DIAPH3: variants seen among roughly 807,000 people sequenced by gnomAD.
The protein encoded by DIAPH3 is protein diaphanous homolog 3.
DIAPH3 carries 117 observed loss-of-function variants against 144.3 expected under a neutral mutation model. The observed-to-expected ratio is 0.81, with a 90% CI of 0.70 to 0.95. The LOEUF is 0.95. Ranked by LOEUF, DIAPH3 falls within the 40% of genes least tolerant of loss-of-function variation. DIAPH3 has a pLI of 0.00. For missense variants in DIAPH3, 1,421 were observed against 1,412.7 expected, an observed-to-expected ratio of 1.01 and a Z score of -0.09; for synonymous variants, 519 against 488.9, an observed-to-expected ratio of 1.06 and a Z score of -0.81.
chr13:59,731,904 A>T (rs575793066), intron 27 of DIAPH3, among the ~76,000 whole-genome samples: 1 of 152,292 alleles, frequency 6.6e-6, no homozygotes. Flanking sequence ...TTTACTGATC[A>T]TCTTTCTCAA....
At chr13:59,933,048 G>A (rs1467773078) in intron 17 of DIAPH3, among the ~76,000 whole-genome samples, 3 of 152,196 alleles carry the variant, frequency 2.0e-5, no homozygotes, top group African/African-American at 7.2e-5. Flanking sequence ...GCACATAAAT[G>A]TTGGCAACAA....
chr13:59,947,374 C>T (rs146416215), intron 17 of DIAPH3, among the ~76,000 whole-genome samples: 263 of 152,194 alleles, frequency 1.7e-3, no homozygotes, highest in Middle Eastern at 3.4e-3. Flanking sequence ...CATGGTCCAC[C>T]GCCTGATTCT....
chr13:60,032,790 C>G (rs1184232749), intron 5 of DIAPH3, among the ~76,000 whole-genome samples: 1 of 152,240 alleles, frequency 6.6e-6, no homozygotes, highest in Non-Finnish European at 1.5e-5. Context: ...ATTTGTCTAG[C>G]AAGTAGTTGC....
At chr13:59,978,870 T>C (rs1274799129) in intron 14 of DIAPH3, among the ~76,000 whole-genome samples, 1 of 151,730 alleles carries the variant, frequency 6.6e-6, no homozygotes, top group Non-Finnish European at 1.5e-5. Context: ...CTAGGGTGAA[T>C]GTATTAGTGC....
chr13:59,753,073 A>G (rs1285455968), intron 27 of DIAPH3, among the ~76,000 whole-genome samples: 1 of 152,234 alleles, frequency 6.6e-6, no homozygotes, highest in African/African-American at 2.4e-5. Context: ...TTTAAATACT[A>G]TCTGGATAGC....
intron 25 of DIAPH3, among the ~76,000 whole-genome samples, chr13:59,805,276 C>T (rs1169209445): frequency 5.9e-5 from 9 of 151,932 alleles, no homozygotes; most frequent in Non-Finnish European, 2.9e-5. Flanking sequence ...AACCTACATA[C>T]TCAGGAAGTC....
chr13:59,973,006 G>T (rs563285650), intron 15 of DIAPH3, among the ~76,000 whole-genome samples: 2 of 152,272 alleles, frequency 1.3e-5, no homozygotes, highest in South Asian at 2.1e-4. Flanking sequence ...GAAAGAATTT[G>T]CCAGTTGTTC....
chr13:59,994,105 T>C (rs1486950691), intron 9 of DIAPH3, among the ~76,000 whole-genome samples: 1 of 151,856 alleles, frequency 6.6e-6, no homozygotes, highest in Non-Finnish European at 1.5e-5. Context: ...TTCCGGGAAC[T>C]ATTCAAAAAG....
intron 27 of DIAPH3, among the ~76,000 whole-genome samples, chr13:59,761,779 T>A (rs949464272): frequency 6.6e-6 from 1 of 152,048 alleles, no homozygotes; most frequent in Non-Finnish European, 1.5e-5. Context: ...ATATATAGCA[T>A]TGGAAGACAG....
intron 18 of DIAPH3, among the ~76,000 whole-genome samples, chr13:59,919,680 A>G (rs1336286410): frequency 3.3e-5 from 5 of 152,104 alleles, no homozygotes; most frequent in African/African-American, 1.2e-4. Context: ...AGTTGAAAGA[A>G]AAGGATGATA....
chr13:59,742,567 AAAAGAAAAG>A (rs2036511876), intron 27 of DIAPH3, among the ~76,000 whole-genome samples: 1 of 57,786 alleles, frequency 1.7e-5, no homozygotes, highest in Non-Finnish European at 3.6e-5. Context: ...CTAAAAGAAG[AAAAGAAAAG>A]AAAGAAAAGG....
At chr13:59,739,857 A>T (rs936636425) in intron 27 of DIAPH3, among the ~76,000 whole-genome samples, 13 of 152,158 alleles carry the variant, frequency 8.5e-5, no homozygotes, top group African/African-American at 3.1e-4. Flanking sequence ...ATTCAAATAT[A>T]TTCAGAAAAA....
intron 25 of DIAPH3, among the ~76,000 whole-genome samples, chr13:59,788,137 T>C (rs1361400323): frequency 1.3e-5 from 2 of 152,222 alleles, no homozygotes; most frequent in Admixed American, 6.5e-5. Flanking sequence ...CTCAACCTCA[T>C]TCATAATTAA....
intron 2 of DIAPH3, among the ~76,000 whole-genome samples, chr13:60,114,940 G>T (rs992187011): frequency 1.3e-5 from 2 of 152,064 alleles, no homozygotes; most frequent in Non-Finnish European, 2.9e-5. Context: ...TATAAATTTT[G>T]ACTCCCCAGA....
intron 25 of DIAPH3, among the ~76,000 whole-genome samples, chr13:59,775,291 GGAGTGCAGTGGT>G (rs2038348183): frequency 6.6e-6 from 1 of 152,092 alleles, no homozygotes. Context: ...CGCCCAGGCT[GGAGTGCAGTGGT>G]GAGATCTCTA....
At chr13:60,060,263 A>G (rs2056713612) in intron 4 of DIAPH3, among the ~76,000 whole-genome samples, 2 of 152,066 alleles carry the variant, frequency 1.3e-5, no homozygotes, top group African/African-American at 2.4e-5. Flanking sequence ...TAAATAGTAG[A>G]GAGGATAAAA....
intron 20 of DIAPH3, among the ~76,000 whole-genome samples, chr13:59,882,988 C>G (rs1422111207): frequency 6.6e-6 from 1 of 152,082 alleles, no homozygotes; most frequent in Admixed American, 6.6e-5. Context: ...AATCAAGAAG[C>G]AATATCCAGA....
At chr13:60,039,256 G>A (rs1024251305) in intron 5 of DIAPH3, among the ~76,000 whole-genome samples, 1 of 151,922 alleles carries the variant, frequency 6.6e-6, no homozygotes, top group African/African-American at 2.4e-5. Context: ...AGAGCCAAGA[G>A]GGGAGAGCTA....
intron 9 of DIAPH3, among the ~76,000 whole-genome samples, chr13:60,001,273 T>C (rs1346606372): frequency 3.9e-5 from 6 of 152,160 alleles, no homozygotes; most frequent in Non-Finnish European, 7.3e-5. Context: ...TTGATTACCA[T>C]TACCTACACT....
Sources: gnomAD v4.1 joint callset for allele counts (sites outside exome capture counted in the v4.1 genomes callset) on GRCh38, gnomAD v4.1.1 for gene constraint, MANE v1.5 for transcripts, NCBI Gene and HGNC (gene_info 2026-07-23, HGNC 2026-07-21) for gene names.